Variants in NRXN2 observed in about 807,000 individuals in gnomAD.
NRXN2 encodes neurexin-2-beta.
Under a neutral mutation model 128.8 loss-of-function variants are expected in NRXN2, and 29 were observed. The observed-to-expected ratio is 0.23, with a 90% confidence interval of 0.17 to 0.31. The LOEUF is 0.31. Among genes scored for constraint, NRXN2 ranks in the 10% least tolerant of loss-of-function variants. NRXN2 has a pLI of 1.00. For synonymous variants in NRXN2, 1,098 were observed against 1,075.2 expected (o/e 1.02, Z -0.41); for missense variants, 1,881 against 2,452.6 (o/e 0.77, Z 4.92).
intron 22 of NRXN2, among the ~76,000 whole-genome samples, chr11:64,613,016 G>C (rs1400201437): frequency 7.2e-5 from 11 of 152,238 alleles, no homozygotes; most frequent in Non-Finnish European, 1.6e-4. Context: ...TGCGAGCAGA[G>C]AGCAACCTGT....
In NRXN2 at chr11:64,713,693, A is replaced by G; in HGVS notation, c.7T>C (p.Ser3Pro). 11 of 1,120,036 alleles carry G rather than the reference A, an allele frequency of 9.8e-6. No homozygotes were observed. The highest frequency in any genetic ancestry group is 1.2e-5 in the Non-Finnish European group (11 of 920,040). The allele number at this position is 1,120,036 out of a possible 1,614,324, so 69.4% of individuals were successfully genotyped here. The part of the protein sequence containing the change: MA[S>P]GSRWRPTPPP... ...GGTGTCGGCCGCCACCGGCTCCCGG[A>G]CGCCATGCCTACGGCGGCCCCGGCC... Residue 3 changes from serine to proline, a missense_variant, in exon 2 of 23, where the codon TCC (serine) becomes CCC (proline). Coordinates refer to ENST00000265459, the MANE Select transcript of NRXN2 (RefSeq NM_015080.4).
At position 64,718,947 on chromosome 11, in the gene NRXN2, G is replaced by C. The variant is rs1384242795; in HGVS notation, c.-245+4024C>G. 2.6e-5 allele frequency among the ~76,000 whole-genome samples: 4 copies of C among 152,300 alleles called. No homozygotes were observed. In the East Asian group the frequency reaches 5.8e-4, roughly 22 times the overall value. On this transcript the variant is annotated intron_variant, in intron 1 of 22. Transcript: ENST00000265459. ...CTCTGAAGCCTGGGTTCAAATGCCAGCTCTACCCCTATCCAGCTGTGTGAC... is the reference window on the plus strand; with the variant it reads ...CTCTGAAGCCTGGGTTCAAATGCCACCTCTACCCCTATCCAGCTGTGTGAC...
At chr11:64,656,314 T>C (rs1030842854) in intron 11 of NRXN2, among the ~76,000 whole-genome samples, 10 of 152,082 alleles carry the variant, frequency 6.6e-5, no homozygotes, top group African/African-American at 1.2e-4. Flanking sequence ...GGATACAATG[T>C]GTATTTAGCC....
At chr11:64,720,855 G>A (rs1423714750) in intron 1 of NRXN2, among the ~76,000 whole-genome samples, 4 of 152,110 alleles carry the variant, frequency 2.6e-5, no homozygotes, top group African/African-American at 9.7e-5. Flanking sequence ...GGAAGGAGAG[G>A]GTGTGTTGCA....
At chr11:64,684,644 G>A (rs1319056411) in intron 6 of NRXN2, among the ~76,000 whole-genome samples, 1 of 152,164 alleles carries the variant, frequency 6.6e-6, no homozygotes, top group Non-Finnish European at 1.5e-5. Context: ...CTGCTGACGA[G>A]GCTTTCAGTG....
intron 1 of NRXN2, among the ~76,000 whole-genome samples, chr11:64,722,349 A>T (rs2057456230): frequency 7.7e-6 from 1 of 129,642 alleles, no homozygotes; most frequent in Non-Finnish European, 1.6e-5. Flanking sequence ...CATCTTTCCC[A>T]GCTCTCCACC....
In NRXN2 at chr11:64,623,914, T is replaced by A. The variant is rs868520536; in HGVS notation, c.3848-836A>T. 2 of 152,212 alleles carry A rather than the reference T, an allele frequency of 1.3e-5. No individual in the cohort carries two copies. Among genetic ancestry groups the A allele is most frequent in the Admixed American group, 1.3e-4 (2 of 15,280 alleles). 9.4% of individuals were successfully genotyped at this position (152,212 alleles called of 1,614,324 possible). A position where few individuals can be genotyped will look rare whatever the true frequency, so the allele number is the denominator to read the frequency against. On this transcript the variant is annotated intron_variant, in intron 20 of 22. Coordinates refer to ENST00000265459, the MANE Select transcript of NRXN2 (RefSeq NM_015080.4). This position sits in a 1 kb window ranked among gnomAD's most constrained non-coding sequence, Gnocchi z 4.9. ...CCTCAGAATTCCCAGCTGGGTGGGG[T>A]TGGGCTGTTCTGTTTGTTTTTAGTG... is the stretch of plus-strand genomic sequence containing the variant.
chr11:64,714,316 C>A lies in NRXN2; in HGVS notation c.-244-373G>T, dbSNP rs552161723. On this transcript the variant is annotated intron_variant, in intron 1 of 22. Transcript: ENST00000265459. This position sits in a 1 kb window ranked among gnomAD's most constrained non-coding sequence, Gnocchi z 4.5. ...GGGAACTCTCCTCCGCCTGGTGACC[C>A]CAGCCCCTTCTCTGAACCGCCCAGC... Among the ~76,000 whole-genome samples the A allele has an allele frequency of 5.9e-5, 9 of 152,240 alleles. No individual in the cohort carries two copies. The highest frequency in any genetic ancestry group is 8.8e-5 in the Non-Finnish European group (6 of 68,024).
intron 17 of NRXN2, among the ~76,000 whole-genome samples, chr11:64,636,938 G>A (rs921403325): frequency 6.6e-6 from 1 of 152,118 alleles, no homozygotes; most frequent in African/African-American, 2.4e-5. Context: ...ACCCCAAAGG[G>A]GAGGGGCTGC....
chr11:64,620,072 C>T (rs760763445), intron 22 of NRXN2, among the ~76,000 whole-genome samples: 1 of 152,240 alleles, frequency 6.6e-6, no homozygotes, highest in African/African-American at 2.4e-5. Context: ...CCCAGGACCC[C>T]AGGCTAAGGA....
rs200599993 is a variant in NRXN2 at position 64,648,780 on chromosome 11, G to A, written c.3237C>T (p.Ile1079=). 55 of 1,614,026 alleles carry A rather than the reference G, an allele frequency of 3.4e-5. No homozygotes were observed. The highest frequency in any genetic ancestry group is 4.3e-5 in the Non-Finnish European group (51 of 1,180,022). ...VDLNGRLPDL[I]ADALHRIGQV... ...GCCCAATGCGGTGCAGGGCGTCGGC[G>A]ATGAGGTCTGGGAGACGTCCGTTGA... Residue 1079 remains isoleucine, a synonymous_variant, in exon 16 of 23, where the codon ATC becomes ATT. Coordinates refer to ENST00000265459, the MANE Select transcript of NRXN2 (RefSeq NM_015080.4). The surrounding 1 kb of genome is among the most constrained non-coding windows in gnomAD (Gnocchi z 4.1).
chr11:64,716,887 C>T (rs1205655559), intron 1 of NRXN2, among the ~76,000 whole-genome samples: 4 of 152,120 alleles, frequency 2.6e-5, no homozygotes, highest in Non-Finnish European at 4.4e-5. Context: ...CCTTTCCATT[C>T]CCCCGCCCAG....
intron 2 of NRXN2, among the ~76,000 whole-genome samples, chr11:64,708,481 T>G (rs900700533): frequency 2.0e-5 from 3 of 152,196 alleles, no homozygotes; most frequent in Admixed American, 6.5e-5. Flanking sequence ...CCCAGTCTAC[T>G]CTATCCCAGC....
rs2135443965 is a variant in NRXN2, at chr11:64,648,271, G to C, written c.3351C>G (p.Gly1117=). The C allele has an allele frequency of 6.2e-7, 1 of 1,614,212 alleles. No individual in the cohort carries two copies. Among genetic ancestry groups the C allele is most frequent in the African/African-American group, 1.3e-5 (1 of 75,066 alleles). ...NQGVCLQQWD[G]FTCDCTMTSY... Reference sequence around the variant, plus strand: ...AAGTCATGGTGCAGTCGCAGGTGAAGCCATCCCACTGCTGCAAGCAGACGC... The same window carrying C: ...AAGTCATGGTGCAGTCGCAGGTGAACCCATCCCACTGCTGCAAGCAGACGC... Residue 1117 remains glycine, a synonymous_variant, in exon 17 of 23, where the codon GGC becomes GGG. Transcript: ENST00000265459. This position sits in a 1 kb window ranked among gnomAD's most constrained non-coding sequence, Gnocchi z 4.1.
intron 2 of NRXN2, among the ~76,000 whole-genome samples, chr11:64,708,341 C>T (rs978102395): frequency 2.0e-5 from 3 of 152,224 alleles, no homozygotes; most frequent in African/African-American, 4.8e-5. Flanking sequence ...TCCTGAACAC[C>T]TGCATCATCA....
rs575010272 is a variant in NRXN2 at position 64,629,831 on chromosome 11, G to T, written c.3757+571C>A. Among the ~76,000 whole-genome samples the T allele has an allele frequency of 6.6e-5, 10 of 152,172 alleles. No individual in the cohort carries two copies. In the South Asian group the frequency reaches 2.1e-3, roughly 32 times the overall value. ...CTTTCACCATGTCCCTCACCGCCTT[G>T]GACACTGGGGGTCCTTTTCTCTGAG... On this transcript the variant is annotated intron_variant, in intron 19 of 22. Coordinates refer to ENST00000265459, the MANE Select transcript of NRXN2 (RefSeq NM_015080.4).
At chr11:64,642,847 G>C in intron 17 of NRXN2, 2 of 1,066,462 alleles carry the variant, frequency 1.9e-6, no homozygotes, top group African/African-American at 1.7e-5. Flanking sequence ...GGCCGGGGGC[G>C]GGGACGCGGG....
At chr11:64,688,481 A>T in intron 5 of NRXN2, 1 of 985,364 alleles carries the variant, frequency 1.0e-6, no homozygotes. Flanking sequence ...GGACTGGTGG[A>T]GGGATTCTAC....
At chr11:64,704,773 G>C (rs532416441) in intron 2 of NRXN2, among the ~76,000 whole-genome samples, 1 of 152,246 alleles carries the variant, frequency 6.6e-6, no homozygotes, top group Admixed American at 6.5e-5. Context: ...CATCATCTCA[G>C]GCAGGGACAA....
Sources: allele counts gnomAD v4.1 joint callset (sites outside exome capture counted in the v4.1 genomes callset), GRCh38; gene constraint gnomAD v4.1.1; non-coding constraint Gnocchi (gnomAD v3.1); transcripts MANE v1.5; gene names NCBI Gene and HGNC (gene_info 2026-07-23, HGNC 2026-07-21).